ULK2: variants seen among roughly 807,000 people sequenced by gnomAD.
ULK2 encodes unc-51 like autophagy activating kinase 2.
A neutral mutation model predicts 127.5 loss-of-function variants in ULK2; 76 were observed. That is an observed-to-expected ratio of 0.60 (90% CI 0.50 to 0.72). The LOEUF is 0.72. Among genes scored for constraint, ULK2 ranks in the 30% least tolerant of loss-of-function variants. ULK2 has a pLI of 0.00. For synonymous variants in ULK2, 452 were observed against 461.9 expected (o/e 0.98, Z 0.28); for missense variants, 1,144 against 1,295.9 (o/e 0.88, Z 1.80).
intron 10 of ULK2, among the ~76,000 whole-genome samples, chr17:19,833,166 T>C (rs985774277): frequency 1.4e-5 from 2 of 144,162 alleles, no homozygotes; most frequent in Admixed American, 1.4e-4. Context: ...CAACCCCCAA[T>C]TGGGAGAGGG....
At chr17:19,795,751 TAAAGG>T in intron 19 of ULK2, 26 bp from the exon 20 acceptor site, 5 of 1,597,804 alleles carry the variant, frequency 3.1e-6, no homozygotes, top group Non-Finnish European at 4.3e-6. Flanking sequence ...ATGTTTTTAA[TAAAGG>T]AAAAGTATAC....
chr17:19,855,436 C>A (rs1247618242), intron 3 of ULK2, among the ~76,000 whole-genome samples: 1 of 150,204 alleles, frequency 6.7e-6, no homozygotes, highest in Non-Finnish European at 1.5e-5. Flanking sequence ...CCTATCTCTA[C>A]TAAAAATACA....
At chr17:19,801,441 T>C (rs1471222016) in intron 16 of ULK2, among the ~76,000 whole-genome samples, 1 of 151,966 alleles carries the variant, frequency 6.6e-6, no homozygotes, top group Non-Finnish European at 1.5e-5. Flanking sequence ...ATTAGCTGGG[T>C]GTGGTGGCAT....
chr17:19,842,190 C>CTTTTTTTT (rs869294657), intron 8 of ULK2, among the ~76,000 whole-genome samples: 55 of 88,378 alleles, frequency 6.2e-4, no homozygotes, highest in East Asian at 2.8e-3. Flanking sequence ...TTTTCTTTTT[C>CTTTTTTTT]TTTTTTTTTT....
chr17:19,786,189 GTTT>G, intron 20 of ULK2, 103 bp from the exon 21 acceptor site: 1 of 873,236 alleles, frequency 1.1e-6, no homozygotes, highest in Non-Finnish European at 1.6e-6. Flanking sequence ...GAGTCTAGTG[GTTT>G]TTTTTTTTTC....
Position 19,849,747 on chromosome 17 carries a change from T to C in ULK2, c.253A>G (p.Met85Val). Reference protein sequence around the residue: ...QELPNSVFLVMEYCNGGDLAD... With the variant: ...QELPNSVFLVVEYCNGGDLAD... ...GAAGTTTGTATACTACCTACCTCCA[T>C]CACCAAAAAGACAGAGTTGGGTAAT... The change falls in exon 4 of 27, where the codon ATG (methionine) becomes GTG (valine). Residue 85 changes from methionine (M) to valine (V), a missense_variant. By Grantham distance (21) the Met-to-Val change is conservative (BLOSUM62 1). Coordinates refer to ENST00000395544, the MANE Select transcript of ULK2 (RefSeq NM_014683.4). 1 of 1,527,776 alleles carries C rather than the reference T, an allele frequency of 6.5e-7. No individual in the cohort carries two copies. The allele number at this position is 1,527,776 out of a possible 1,614,324, so 94.6% of individuals were successfully genotyped here.
chr17:19,812,666 T>C (rs1314887954), intron 13 of ULK2, among the ~76,000 whole-genome samples: 2 of 152,216 alleles, frequency 1.3e-5, no homozygotes, highest in Non-Finnish European at 2.9e-5. Context: ...ATATTGCTAA[T>C]ACAGAAAAAG....
chr17:19,854,234 C>CG (rs1230906496), intron 3 of ULK2, among the ~76,000 whole-genome samples: 1 of 149,998 alleles, frequency 6.7e-6, no homozygotes, highest in Non-Finnish European at 1.5e-5. Context: ...GCCAAGATTG[C>CG]GCCACTGCAC....
chr17:19,815,914 A>G (rs539381125), intron 13 of ULK2, among the ~76,000 whole-genome samples: 8 of 152,340 alleles, frequency 5.3e-5, no homozygotes, highest in African/African-American at 1.4e-4. Flanking sequence ...ATTACTTTTA[A>G]AGGTAACTCT....
At chr17:19,843,718 G>A (rs1240851626) in intron 7 of ULK2, among the ~76,000 whole-genome samples, 2 of 151,154 alleles carry the variant, frequency 1.3e-5, no homozygotes, top group Non-Finnish European at 2.9e-5. Flanking sequence ...GAGTGCAGTG[G>A]CGTGATCTCG....
intron 17 of ULK2, 52 bp downstream of exon 17, chr17:19,799,443 A>G: frequency 7.2e-7 from 1 of 1,383,322 alleles, no homozygotes; most frequent in South Asian, 1.5e-5. Context: ...CACAACTCAA[A>G]TCCATTTATA....
intron 21 of ULK2, among the ~76,000 whole-genome samples, chr17:19,785,690 A>T (rs2087013397): frequency 6.6e-6 from 1 of 151,972 alleles, no homozygotes; most frequent in Admixed American, 6.6e-5. Flanking sequence ...GTAAAAACAT[A>T]TACAACATAT....
In ULK2 at chr17:19,771,939, G is replaced by A. The variant is rs528538855; in HGVS notation, c.*4410C>T. On this transcript the variant is annotated 3_prime_UTR_variant, in exon 27 of 27. Coordinates refer to ENST00000395544, the MANE Select transcript of ULK2 (RefSeq NM_014683.4). ...CATGCTGCAGAGCCCAGGGAGGTCCGCCCTGCGCAGAGAGGGAGTGCAGAC... is the reference window on the plus strand; with the variant it reads ...CATGCTGCAGAGCCCAGGGAGGTCCACCCTGCGCAGAGAGGGAGTGCAGAC... 7 of 152,434 alleles carry A rather than the reference G, an allele frequency of 4.6e-5. No individual in the cohort carries two copies. Among genetic ancestry groups the A allele is most frequent in the South Asian group, 2.1e-4 (1 of 4,822 alleles). 9.4% of individuals were successfully genotyped at this position (152,434 alleles called of 1,614,324 possible). A position where few individuals can be genotyped will look rare whatever the true frequency, so the allele number is the denominator to read the frequency against.
intron 17 of ULK2, 86 bp downstream of exon 17, chr17:19,799,408 CT>C: frequency 8.7e-7 from 1 of 1,153,878 alleles, no homozygotes. Context: ...CATATCAATT[CT>C]GTTCTTTGAT....
intron 20 of ULK2, among the ~76,000 whole-genome samples, chr17:19,794,574 T>C (rs1045783728): frequency 6.6e-6 from 1 of 152,154 alleles, no homozygotes; most frequent in Non-Finnish European, 1.5e-5. Context: ...AAGAATTACA[T>C]CAGACTTCTC....
rs549450619 is a variant in ULK2, at chr17:19,853,127, A to T, written c.226-3353T>A. 3.6e-3 allele frequency among the ~76,000 whole-genome samples: 528 copies of T among 146,144 alleles called. 3 individuals carry two copies. The highest frequency in any genetic ancestry group is 0.014 in the Middle Eastern group (4 of 290). On this transcript the variant is annotated intron_variant, in intron 3 of 26. Transcript: ENST00000395544. ...TTTTATTTTAAAGTGACATTTTTTT[A>T]AATTTTTTTAATTTTTTTTTTTTTT...
intron 3 of ULK2, among the ~76,000 whole-genome samples, chr17:19,854,416 GAATA>G (rs1166534657): frequency 2.0e-5 from 3 of 151,990 alleles, no homozygotes; most frequent in African/African-American, 7.3e-5. Context: ...AAAATATTCA[GAATA>G]TATAATACTG....
chr17:19,825,538 C>T (rs2152392859), intron 11 of ULK2, among the ~76,000 whole-genome samples: 1 of 151,954 alleles, frequency 6.6e-6, no homozygotes, highest in South Asian at 2.1e-4. Context: ...GGTGAAACCT[C>T]GTCTCTACTA....
intron 20 of ULK2, among the ~76,000 whole-genome samples, chr17:19,787,493 GA>G (rs1324139740): frequency 6.6e-6 from 1 of 152,200 alleles, no homozygotes; most frequent in Non-Finnish European, 1.5e-5. Flanking sequence ...AGTCAGATGG[GA>G]GTAAAACTAT....
Sources: gnomAD v4.1 joint callset for allele counts (sites outside exome capture counted in the v4.1 genomes callset) on GRCh38, gnomAD v4.1.1 for gene constraint, MANE v1.5 for transcripts, NCBI Gene and HGNC (gene_info 2026-07-23, HGNC 2026-07-21) for gene names.